Variants in FAP observed in about 807,000 individuals in gnomAD.
FAP encodes the protein prolyl endopeptidase FAP.
In FAP, 110 loss-of-function variants were observed where a neutral mutation model predicts 126.5. The observed-to-expected ratio is 0.87, with a 90% CI of 0.74 to 1.02. The LOEUF is 1.02. Ranked by LOEUF, FAP falls within the 50% of genes least tolerant of loss-of-function variation. The probability of loss-of-function intolerance (pLI) is 0.00; values close to 1 mark genes in which losing one functional copy is unlikely to be tolerated. For synonymous variants in FAP, 334 were observed against 297.3 expected (o/e 1.12, Z -1.27); for missense variants, 919 against 909.2 (o/e 1.01, Z -0.14).
At chr2:162,220,450 T>C (rs1282884379) in intron 6 of FAP, among the ~76,000 whole-genome samples, 3 of 152,254 alleles carry the variant, frequency 2.0e-5, no homozygotes, top group African/African-American at 7.2e-5. Context: ...TATGTGCTCT[T>C]CTACATTCTC....
intron 2 of FAP, among the ~76,000 whole-genome samples, chr2:162,233,342 T>A (rs1283476691): frequency 6.6e-6 from 1 of 151,990 alleles, no homozygotes; most frequent in Non-Finnish European, 1.5e-5. Flanking sequence ...GTCTACTGCT[T>A]GTCTCTATTT....
intron 21 of FAP, chr2:162,176,063 A>G (rs1687474096): frequency 6.6e-6 from 1 of 152,158 alleles, no homozygotes; most frequent in South Asian, 2.1e-4. Context: ...TTATGACCAC[A>G]GATTTCTGGG....
At chr2:162,225,178 T>G (rs1263488341) in intron 4 of FAP, among the ~76,000 whole-genome samples, 1 of 152,172 alleles carries the variant, frequency 6.6e-6, no homozygotes, top group African/African-American at 2.4e-5. Context: ...TACCTAACCT[T>G]TCACGACCAG....
chr2:162,170,914 C>A lies in FAP; in HGVS notation c.*65G>T. The A allele has an allele frequency of 8.5e-7, 1 of 1,174,924 alleles. No individual in the cohort carries two copies. Among genetic ancestry groups the A allele is most frequent in the South Asian group, 1.3e-5 (1 of 75,464 alleles). 72.8% of individuals were successfully genotyped at this position (1,174,924 alleles called of 1,614,324 possible). On this transcript the variant is annotated 3_prime_UTR_variant, in exon 26 of 26. Coordinates refer to ENST00000188790, the MANE Select transcript of FAP (RefSeq NM_004460.5). ...TTTACAACATAAAAAATAAAATAAGCAAACTGTCTGAGGGGTTTATATAAG... is the reference window on the plus strand; with the variant it reads ...TTTACAACATAAAAAATAAAATAAGAAAACTGTCTGAGGGGTTTATATAAG...
In FAP at chr2:162,243,096, G is replaced by T. The variant is rs991496053; in HGVS notation, c.7-104C>A. 4.1e-6 allele frequency: 4 copies of T among 969,236 alleles called. No individual in the cohort carries two copies. The African/African-American group carries it at 4.9e-5, about 12-fold the overall frequency. The allele number at this position is 969,236 out of a possible 1,614,324, so 60.0% of individuals were successfully genotyped here. On this transcript the variant is annotated intron_variant, in intron 1 of 25. Transcript: ENST00000188790. ...AATCCTTTTTCTCTCGCCCCACAAA[G>T]CTTTTGATTGTTTTCCACTGATCCG... is the stretch of plus-strand genomic sequence containing the variant.
intron 12 of FAP, among the ~76,000 whole-genome samples, chr2:162,204,645 T>C (rs975227196): frequency 6.6e-6 from 1 of 152,176 alleles, no homozygotes. Flanking sequence ...GATTCTTCTC[T>C]TGAGTCTTCA....
Position 162,218,057 on chromosome 2 carries a change from T to C in FAP, c.691A>G (p.Ile231Val), listed in dbSNP as rs755880907. Residue 231 changes from isoleucine to valine, a missense_variant, in exon 9 of 26, where the codon ATA (isoleucine) becomes GTA (valine). Transcript: ENST00000188790. ...LAYAEFNDTDIPVIAYSYYGD... is the reference protein window; with the variant it reads ...LAYAEFNDTDVPVIAYSYYGD... ...TAATAGGAATAGGCAATAACTGGTATATCCGTATCATTAAATTCCGCATAT... is the reference window on the plus strand; with the variant it reads ...TAATAGGAATAGGCAATAACTGGTACATCCGTATCATTAAATTCCGCATAT... The C allele has an allele frequency of 7.0e-5, 112 of 1,607,404 alleles. 2 individuals carry two copies. Among genetic ancestry groups the C allele is most frequent in the Admixed American group, 2.5e-4 (15 of 59,500 alleles).
rs1017879986 is a variant in FAP at position 162,224,615 on chromosome 2, A to G, written c.286-75T>C. 5 of 862,056 alleles carry G rather than the reference A, an allele frequency of 5.8e-6. No individual in the cohort carries two copies. In the East Asian group the frequency reaches 1.0e-4, roughly 18 times the overall value. 53.4% of individuals were successfully genotyped at this position (862,056 alleles called of 1,614,324 possible). On this transcript the variant is annotated intron_variant, in intron 4 of 25. Transcript: ENST00000188790. ...CATGTAAATTTGTAGTTTTAAAAGA[A>G]TATTATATTATCAACATACTCCTAC...
intron 20 of FAP, among the ~76,000 whole-genome samples, chr2:162,187,527 T>C (rs1188027138): frequency 6.6e-6 from 1 of 152,134 alleles, no homozygotes; most frequent in Non-Finnish European, 1.5e-5. Flanking sequence ...TATATAGTCC[T>C]GTTTCAGGAA....
intron 2 of FAP, among the ~76,000 whole-genome samples, chr2:162,238,171 TC>T (rs201729138): frequency 0.018 from 2,784 of 152,286 alleles, 90 homozygotes; most frequent in African/African-American, 0.063. Context: ...AATGCTAGTT[TC>T]TTTTGCTGTG....
At chr2:162,187,029 CAGAT>C (rs1417095169) in intron 20 of FAP, among the ~76,000 whole-genome samples, 2 of 151,936 alleles carry the variant, frequency 1.3e-5, no homozygotes, top group African/African-American at 2.4e-5. Flanking sequence ...GTATTGTACT[CAGAT>C]AGACTTTTTT....
At chr2:162,195,668 G>A (rs1321497170) in intron 16 of FAP, among the ~76,000 whole-genome samples, 2 of 152,088 alleles carry the variant, frequency 1.3e-5, no homozygotes, top group Non-Finnish European at 2.9e-5. Context: ...ATTCCAACAT[G>A]CATTCAGCTT....
intron 16 of FAP, chr2:162,195,031 C>T: frequency 2.4e-6 from 1 of 413,904 alleles, no homozygotes; most frequent in South Asian, 2.8e-5. Flanking sequence ...CAAATGCACC[C>T]CAGAAGCTGC....
chr2:162,227,756 C>T (rs1019194945), intron 2 of FAP, among the ~76,000 whole-genome samples: 1 of 152,124 alleles, frequency 6.6e-6, no homozygotes, highest in Non-Finnish European at 1.5e-5. Context: ...CTTCTTGCTC[C>T]TCTCTCATTA....
intron 16 of FAP, 99 bp downstream of exon 16, chr2:162,198,658 A>G (rs1480120197): frequency 5.2e-6 from 7 of 1,351,176 alleles, no homozygotes; most frequent in Admixed American, 4.0e-5. Context: ...CATATAACAA[A>G]TGCTCATTAA....
chr2:162,203,008 T>A (rs1343730310), intron 13 of FAP, 33 bp downstream of exon 13: 1 of 1,586,238 alleles, frequency 6.3e-7, no homozygotes, highest in Admixed American at 1.7e-5. Flanking sequence ...AAGTGAATGA[T>A]CTTTGAGGAG....
intron 18 of FAP, 41 bp downstream of exon 18, chr2:162,189,615 A>G: frequency 8.9e-7 from 1 of 1,118,266 alleles, no homozygotes; most frequent in Non-Finnish European, 1.3e-6. Context: ...AAAATTGCTC[A>G]GCTTCATATC....
chr2:162,215,343 A>C (rs923576360), intron 10 of FAP, among the ~76,000 whole-genome samples: 2 of 152,182 alleles, frequency 1.3e-5, no homozygotes, highest in Non-Finnish European at 2.9e-5. Context: ...CAGAGGACTG[A>C]CTGAAGGTCA....
At chr2:162,195,299 T>A (rs1485255838) in intron 16 of FAP, among the ~76,000 whole-genome samples, 1 of 151,622 alleles carries the variant, frequency 6.6e-6, no homozygotes, top group African/African-American at 2.4e-5. Context: ...AGGAGGTTTG[T>A]GGGGGTGGTA....
Sources: gnomAD v4.1 joint callset for allele counts (sites outside exome capture counted in the v4.1 genomes callset) on GRCh38, gnomAD v4.1.1 for gene constraint, MANE v1.5 for transcripts, NCBI Gene and HGNC (gene_info 2026-07-23, HGNC 2026-07-21) for gene names.